Variants in DGKB observed in about 807,000 individuals in gnomAD.
DGKB encodes 90 kDa diacylglycerol kinase.
DGKB carries 67 observed loss-of-function variants against 114.3 expected under a neutral mutation model. That is an observed-to-expected ratio of 0.59 (90% CI 0.48 to 0.72). The LOEUF (loss-of-function observed/expected upper bound fraction) is 0.72, where lower values mean the gene tolerates loss of function less well. Among genes scored for constraint, DGKB ranks in the 30% least tolerant of loss-of-function variants. DGKB has a pLI of 0.00. For missense variants in DGKB, 907 were observed against 975.2 expected (o/e 0.93, Z 0.93); for synonymous variants, 398 against 323.1 (o/e 1.23, Z -2.49).
chr7:14,281,158 G>A (rs1479795950), intron 23 of DGKB, among the ~76,000 whole-genome samples: 1 of 150,670 alleles, frequency 6.6e-6, no homozygotes, highest in African/African-American at 2.4e-5. Context: ...ATAAAAGGAT[G>A]GAGGAAGATC....
intron 21 of DGKB, among the ~76,000 whole-genome samples, chr7:14,346,457 G>T (rs1812492037): frequency 6.6e-6 from 1 of 151,790 alleles, no homozygotes; most frequent in South Asian, 2.1e-4. Flanking sequence ...GCTCTCACAA[G>T]GTTTTATTTG....
At chr7:14,597,260 G>A (rs901340051) in intron 17 of DGKB, among the ~76,000 whole-genome samples, 5 of 151,840 alleles carry the variant, frequency 3.3e-5, no homozygotes, top group Non-Finnish European at 7.4e-5. Context: ...TAGGCATAAA[G>A]GTAACTAAAT....
intron 21 of DGKB, among the ~76,000 whole-genome samples, chr7:14,380,359 T>C (rs1026256945): frequency 1.3e-5 from 2 of 152,114 alleles, no homozygotes; most frequent in South Asian, 2.1e-4. Flanking sequence ...AAAAGTCTGA[T>C]AATCAGTGGT....
chr7:14,326,948 A>C (rs959788487), intron 23 of DGKB, among the ~76,000 whole-genome samples: 5 of 152,106 alleles, frequency 3.3e-5, no homozygotes, highest in African/African-American at 1.2e-4. Flanking sequence ...CAACACATAT[A>C]CACAAGACAT....
chr7:14,876,866 T>C (rs1177183074), intron 1 of DGKB, among the ~76,000 whole-genome samples: 1 of 152,226 alleles, frequency 6.6e-6, no homozygotes, highest in Non-Finnish European at 1.5e-5. Context: ...AATCAAATTA[T>C]AAATAACCTA....
chr7:14,462,450 A>G (rs1041423591), intron 21 of DGKB, among the ~76,000 whole-genome samples: 3 of 152,140 alleles, frequency 2.0e-5, no homozygotes, highest in African/African-American at 7.2e-5. Flanking sequence ...AAGCATTCCT[A>G]TACACCAATA....
At chr7:14,264,940 T>G (rs540750904) in intron 23 of DGKB, among the ~76,000 whole-genome samples, 2 of 152,262 alleles carry the variant, frequency 1.3e-5, no homozygotes, top group East Asian at 3.9e-4. Flanking sequence ...AACAAAGACT[T>G]TACCAGAAGT....
rs1270440404 is a variant in DGKB, at chr7:14,414,343, TGA to T, written c.1835+63816_1835+63817del. ...TAAAACTTGCTCGAGCAACTAAAAA[TGA>T]GAGTTGAAAAGACTCCTGTGATAGT... is the stretch of plus-strand genomic sequence containing the variant. On this transcript the variant is annotated intron_variant, in intron 21 of 25. Transcript: ENST00000402815. 4.6e-5 allele frequency among the ~76,000 whole-genome samples: 7 copies of T among 152,168 alleles called. No homozygotes were observed. The East Asian group carries it at 9.7e-4, about 21-fold the overall frequency.
chr7:14,835,260 G>T (rs144428634), intron 2 of DGKB, among the ~76,000 whole-genome samples: 2 of 152,128 alleles, frequency 1.3e-5, no homozygotes, highest in Non-Finnish European at 2.9e-5. Flanking sequence ...AACTGAAAAG[G>T]CTTAAATATT....
At chr7:14,298,835 C>T (rs1319779707) in intron 23 of DGKB, among the ~76,000 whole-genome samples, 1 of 152,090 alleles carries the variant, frequency 6.6e-6, no homozygotes. Context: ...AGAACTTAAA[C>T]AAATTTACAA....
chr7:14,747,643 G>C (rs189279391), intron 4 of DGKB, among the ~76,000 whole-genome samples: 1 of 152,124 alleles, frequency 6.6e-6, no homozygotes, highest in East Asian at 1.9e-4. Context: ...GCTTTTTGAA[G>C]ACTGTGACCT....
At chr7:14,392,989 G>GTTTTTTTTTTTTTTTTTTTTTTTTT (rs776845811) in intron 21 of DGKB, among the ~76,000 whole-genome samples, 4 of 10,160 alleles carry the variant, frequency 3.9e-4, no homozygotes, top group African/African-American at 6.9e-4. Flanking sequence ...CCTGTTTTTT[G>GTTTTTTTTTTTTTTTTTTTTTTTTT]TTTTTGTTTT....
chr7:14,700,539 T>G (rs12669997), intron 7 of DGKB, among the ~76,000 whole-genome samples: 60,502 of 151,998 alleles, frequency 0.4, 14,409 homozygotes, highest in East Asian at 0.87. Flanking sequence ...TTACTGAGAC[T>G]TACAGATAAT....
At chr7:14,582,233 T>A (rs372731430) in intron 18 of DGKB, among the ~76,000 whole-genome samples, 10 of 152,200 alleles carry the variant, frequency 6.6e-5, no homozygotes, top group Admixed American at 3.3e-4. Flanking sequence ...TGGATTTATT[T>A]CCTCATAAAG....
chr7:14,808,660 A>G (rs949170688), intron 2 of DGKB, among the ~76,000 whole-genome samples: 1 of 152,106 alleles, frequency 6.6e-6, no homozygotes, highest in African/African-American at 2.4e-5. Flanking sequence ...ATTAAAACAC[A>G]GGCTGTTACA....
At chr7:14,462,414 G>C (rs1458986021) in intron 21 of DGKB, among the ~76,000 whole-genome samples, 1 of 151,964 alleles carries the variant, frequency 6.6e-6, no homozygotes, top group Non-Finnish European at 1.5e-5. Flanking sequence ...AGTCTCAGGA[G>C]AAAAAAATCA....
chr7:14,708,423 C>A (rs1276739403), intron 6 of DGKB, among the ~76,000 whole-genome samples: 2 of 139,160 alleles, frequency 1.4e-5, no homozygotes, highest in Non-Finnish European at 1.5e-5. Flanking sequence ...CCATCCCCAT[C>A]AAGCTACCAA....
chr7:14,904,307 T>C (rs1783544065), upstream of DGKB, among the ~76,000 whole-genome samples: 1 of 152,178 alleles, frequency 6.6e-6, no homozygotes, highest in Non-Finnish European at 1.5e-5. Flanking sequence ...ATAAACTTAA[T>C]TCCTTTTGAT....
chr7:14,209,412 A>G (rs1447012483), intron 23 of DGKB: 2 of 469,652 alleles, frequency 4.3e-6, no homozygotes, highest in South Asian at 1.6e-5. Context: ...AAACATTTGG[A>G]TGCCCTTTCT....
Sources: allele counts gnomAD v4.1 joint callset (sites outside exome capture counted in the v4.1 genomes callset), GRCh38; gene constraint gnomAD v4.1.1; transcripts MANE v1.5; gene names NCBI Gene and HGNC (gene_info 2026-07-23, HGNC 2026-07-21).